The following TMCC3 variants were observed in gnomAD, a reference collection of about 807,000 sequenced individuals.
TMCC3 encodes the protein transmembrane and coiled-coil domain protein 3.
A neutral mutation model predicts 40.2 loss-of-function variants in TMCC3; 28 were observed. The observed-to-expected ratio is 0.70, with a 90% CI of 0.52 to 0.95. The LOEUF (loss-of-function observed/expected upper bound fraction) is 0.95. Among genes scored for constraint, TMCC3 ranks in the 40% least tolerant of loss-of-function variants. The pLI is 0.00. For synonymous variants in TMCC3, 255 were observed against 248.5 expected (o/e 1.03, Z -0.25); for missense variants, 554 against 615.2 (o/e 0.90, Z 1.05).
chr12:94,605,886 C>T (rs1286319408), intron 1 of TMCC3, among the ~76,000 whole-genome samples: 1 of 152,172 alleles, frequency 6.6e-6, no homozygotes, highest in African/African-American at 2.4e-5. Context: ...TTACGGAAGA[C>T]ATCCCAGATT....
intron 1 of TMCC3, among the ~76,000 whole-genome samples, chr12:94,615,453 CAG>C (rs2068842657): frequency 6.6e-6 from 1 of 152,212 alleles, no homozygotes; most frequent in South Asian, 2.1e-4. Flanking sequence ...GTCAGTTTTA[CAG>C]AGTTTCAAGT....
intron 1 of TMCC3, among the ~76,000 whole-genome samples, chr12:94,584,451 T>C (rs1051033834): frequency 1.3e-5 from 2 of 152,058 alleles, no homozygotes; most frequent in African/African-American, 2.4e-5. Flanking sequence ...TTATAAATTA[T>C]CAGGATTCAG....
At chr12:94,614,816 T>C (rs1362385642) in intron 1 of TMCC3, among the ~76,000 whole-genome samples, 2 of 150,986 alleles carry the variant, frequency 1.3e-5, no homozygotes, top group East Asian at 3.9e-4. Flanking sequence ...CCCAGGCTCG[T>C]GTGCAGTGGC....
intron 1 of TMCC3, among the ~76,000 whole-genome samples, chr12:94,630,712 C>T (rs1037248466): frequency 2.1e-5 from 3 of 145,696 alleles, no homozygotes; most frequent in Non-Finnish European, 3.0e-5. Context: ...ATCTTGTAAA[C>T]GTTTTGTGTT....
At chr12:94,595,599 T>G (rs988937675) in intron 1 of TMCC3, among the ~76,000 whole-genome samples, 2 of 152,208 alleles carry the variant, frequency 1.3e-5, no homozygotes, top group Non-Finnish European at 2.9e-5. Context: ...GGGAAAAACA[T>G]GTACTGGATG....
intron 1 of TMCC3, among the ~76,000 whole-genome samples, chr12:94,639,473 C>T (rs1594299801): frequency 6.6e-6 from 1 of 151,986 alleles, no homozygotes; most frequent in South Asian, 2.1e-4. Flanking sequence ...GTTCCAGCTA[C>T]TGGGGAGGCT....
chr12:94,591,502 T>C (rs1227067375), intron 1 of TMCC3, among the ~76,000 whole-genome samples: 1 of 152,032 alleles, frequency 6.6e-6, no homozygotes, highest in East Asian at 1.9e-4. Context: ...CTCACACCTG[T>C]AATCTCAGCA....
At chr12:94,618,574 G>A (rs2068858989) in intron 1 of TMCC3, among the ~76,000 whole-genome samples, 1 of 152,166 alleles carries the variant, frequency 6.6e-6, no homozygotes, top group Non-Finnish European at 1.5e-5. Context: ...TCTTATTCCT[G>A]GCTGTCTTCA....
At chr12:94,581,009 A>G (rs947773970) in intron 2 of TMCC3, among the ~76,000 whole-genome samples, 7 of 152,242 alleles carry the variant, frequency 4.6e-5, no homozygotes, top group African/African-American at 1.4e-4. Context: ...GCCACAAATT[A>G]TAAACTTAGA....
At chr12:94,607,555 C>T (rs761014175) in intron 1 of TMCC3, among the ~76,000 whole-genome samples, 6 of 152,178 alleles carry the variant, frequency 3.9e-5, no homozygotes, top group African/African-American at 7.2e-5. Flanking sequence ...TGGTTCCAGG[C>T]GGTCTCTCCA....
intron 1 of TMCC3, among the ~76,000 whole-genome samples, chr12:94,608,106 G>A (rs1001905497): frequency 1.3e-5 from 2 of 152,158 alleles, no homozygotes; most frequent in Non-Finnish European, 2.9e-5. Context: ...CATATTATAG[G>A]ATTGACTCAA....
chr12:94,615,693 G>A (rs1250003310), intron 1 of TMCC3, among the ~76,000 whole-genome samples: 1 of 152,156 alleles, frequency 6.6e-6, no homozygotes, highest in Non-Finnish European at 1.5e-5. Flanking sequence ...TTTTTAAAAG[G>A]ACATAACAAT....
intron 1 of TMCC3, among the ~76,000 whole-genome samples, chr12:94,597,743 G>A (rs1482319094): frequency 1.3e-5 from 2 of 152,022 alleles, no homozygotes; most frequent in African/African-American, 4.8e-5. Flanking sequence ...GGAGGCGGAG[G>A]TTGCAGTGAG....
intron 1 of TMCC3, among the ~76,000 whole-genome samples, chr12:94,609,505 T>C (rs7963788): frequency 0.17 from 25,627 of 152,118 alleles, 2,399 homozygotes; most frequent in Admixed American, 0.28. Flanking sequence ...CCTCATATTC[T>C]TAGCAACTTG....
At chr12:94,579,114 A>G (rs954563246) in intron 2 of TMCC3, among the ~76,000 whole-genome samples, 4 of 152,250 alleles carry the variant, frequency 2.6e-5, no homozygotes, top group African/African-American at 9.6e-5. Flanking sequence ...TAGATGGTTC[A>G]TCATGCAGTG....
chr12:94,627,393 G>A (rs2068909547), intron 1 of TMCC3, among the ~76,000 whole-genome samples: 1 of 152,102 alleles, frequency 6.6e-6, no homozygotes, highest in Non-Finnish European at 1.5e-5. Context: ...TCTAGTCCAA[G>A]CCACTCTCAT....
At chr12:94,600,898 C>T (rs528340144) in intron 1 of TMCC3, among the ~76,000 whole-genome samples, 17 of 152,288 alleles carry the variant, frequency 1.1e-4, no homozygotes, top group East Asian at 1.9e-4. Context: ...CAGCACAGAA[C>T]GCGCAGTATC....
intron 1 of TMCC3, among the ~76,000 whole-genome samples, chr12:94,633,879 T>C (rs1311237668): frequency 6.6e-6 from 1 of 152,172 alleles, no homozygotes; most frequent in Non-Finnish European, 1.5e-5. Context: ...AACATTAACA[T>C]AATCTTTGTA....
At chr12:94,577,689 CTT>C (rs1324080245) in intron 3 of TMCC3, among the ~76,000 whole-genome samples, 1 of 152,120 alleles carries the variant, frequency 6.6e-6, no homozygotes, top group Admixed American at 6.6e-5. Context: ...TTTGTGCTGT[CTT>C]GAGTTCTTTG....
Sources: allele counts gnomAD v4.1 joint callset (sites outside exome capture counted in the v4.1 genomes callset), GRCh38; gene constraint gnomAD v4.1.1; transcripts MANE v1.5; gene names NCBI Gene and HGNC (gene_info 2026-07-23, HGNC 2026-07-21).